The following RPS24 variants were observed in gnomAD, a reference collection of about 807,000 sequenced individuals.
The protein encoded by RPS24 is ribosomal protein S24.
For missense variants in RPS24, 100 were observed against 162.5 expected (o/e 0.62, Z 2.09); for synonymous variants, 72 against 55.6 (o/e 1.30, Z -1.31).
rs1206285579 is a variant in RPS24 at position 78,033,875 on chromosome 10, T to G, written c.-27T>G. On this transcript the variant is annotated 5_prime_UTR_variant, in exon 1 of 6. Coordinates refer to ENST00000372360, the MANE Select transcript of RPS24 (RefSeq NM_033022.4). ...GCGAATCGTGGTTCTCTTTTCCTCC[T>G]TGGCTGTCTGAAGATAGATCGCCAT... 1.2e-6 allele frequency: 2 copies of G among 1,613,930 alleles called. No individual in the cohort carries two copies. The highest frequency in any genetic ancestry group is 1.1e-5 in the South Asian group (1 of 91,094).
chr10:78,048,058 G>A (rs2131991339), intron 4 of RPS24, among the ~76,000 whole-genome samples: 1 of 152,242 alleles, frequency 6.6e-6, no homozygotes, highest in Non-Finnish European at 1.5e-5. Context: ...ATAAAATTCT[G>A]CCCTGGGAGT....
chr10:78,034,221 C>G lies in RPS24; in HGVS notation c.3+317C>G, dbSNP rs1158389353. 4 of 528,442 alleles carry G rather than the reference C, an allele frequency of 7.6e-6. No individual in the cohort carries two copies. In the Admixed American group the frequency reaches 1.3e-4, roughly 17 times the overall value. 32.7% of individuals were successfully genotyped at this position (528,442 alleles called of 1,614,324 possible). ...GATAGATGGACACTGGGAGGCACATCTCGTCTGCAGTTCCTCATTGGGCTA... is the reference window on the plus strand; with the variant it reads ...GATAGATGGACACTGGGAGGCACATGTCGTCTGCAGTTCCTCATTGGGCTA... On this transcript the variant is annotated intron_variant, in intron 1 of 5. Coordinates refer to ENST00000372360, the MANE Select transcript of RPS24 (RefSeq NM_033022.4).
At chr10:78,046,222 C>T (rs7069404) in intron 4 of RPS24, among the ~76,000 whole-genome samples, 8,923 of 152,100 alleles carry the variant, frequency 0.059, 841 homozygotes, top group African/African-American at 0.2. Flanking sequence ...ACTGTCTCTG[C>T]CCTCAAGAAG....
intron 3 of RPS24, chr10:78,036,006 G>C: frequency 2.4e-6 from 1 of 420,430 alleles, no homozygotes; most frequent in East Asian, 5.2e-5. Context: ...TGTTTGGAAA[G>C]GTAGCCTGGC....
In RPS24 at chr10:78,035,547, C is replaced by T. The variant is rs766439992; in HGVS notation, c.106C>T (p.Pro36Ser). The change falls in exon 3 of 6, where the codon CCT becomes TCT. Residue 36 changes from proline (P) to serine (S), a missense_variant. Physicochemically the swap from Pro to Ser is moderately conservative, Grantham distance 74. Coordinates refer to ENST00000372360, the MANE Select transcript of RPS24 (RefSeq NM_033022.4). ...CCTTCACCCCGGGAAGGCGACAGTG[C>T]CTAAGACAGAAATTCGGGAAAAACT... ...DVLHPGKATV[P>S]KTEIREKLAK... is the part of the protein sequence containing the mutation. 6.2e-7 allele frequency: 1 copy of T among 1,614,136 alleles called. No individual in the cohort carries two copies. Among genetic ancestry groups the T allele is most frequent in the South Asian group, 1.1e-5 (1 of 91,074 alleles).
intron 4 of RPS24, among the ~76,000 whole-genome samples, chr10:78,052,938 G>T (rs923324781): frequency 6.6e-6 from 1 of 152,086 alleles, no homozygotes; most frequent in African/African-American, 2.4e-5. Flanking sequence ...GATCACCTGA[G>T]GTCAGGAGTT....
rs7067839 is a variant in RPS24 at position 78,051,223 on chromosome 10, A to G, written c.391-3308A>G. 8.8e-3 allele frequency among the ~76,000 whole-genome samples: 1,340 copies of G among 152,280 alleles called. 12 individuals carry two copies. The highest frequency in any genetic ancestry group is 0.031 in the African/African-American group (1,277 of 41,536). On this transcript the variant is annotated intron_variant, in intron 4 of 4. Coordinates refer to the RPS24 transcript ENST00000440692. ...AACAACAAAAAGAAACCCTGTAGAC[A>G]TTAGCAGTCTCTCCCTATTTCCCTC...
At chr10:78,035,787 G>C in intron 3 of RPS24, 67 bp downstream of exon 3, 1 of 1,358,778 alleles carries the variant, frequency 7.4e-7, no homozygotes, top group Non-Finnish European at 1.0e-6. Flanking sequence ...TGTGTTGTGA[G>C]TGTGGTAAAA....
At chr10:78,040,582 T>A (rs1488169342) in intron 5 of RPS24, 33 bp from the exon 6 acceptor site, 3 of 1,528,642 alleles carry the variant, frequency 2.0e-6, no homozygotes, top group Non-Finnish European at 1.8e-6. Context: ...TTAAAGGCAG[T>A]TGTTGACTAA....
At chr10:78,046,989 T>C (rs923381748) in intron 4 of RPS24, among the ~76,000 whole-genome samples, 4 of 151,904 alleles carry the variant, frequency 2.6e-5, no homozygotes, top group Non-Finnish European at 4.4e-5. Flanking sequence ...ACCTGTTTTT[T>C]TTTTTGAGTT....
chr10:78,037,039 C>T (rs914393686), intron 3 of RPS24, among the ~76,000 whole-genome samples, 155 bp from the exon 4 acceptor site: 1 of 152,178 alleles, frequency 6.6e-6, no homozygotes, highest in African/African-American at 2.4e-5. Context: ...ATGATCCTTT[C>T]TGTTCCAGCA....
At chr10:78,053,168 A>C (rs1182081203) in intron 4 of RPS24, among the ~76,000 whole-genome samples, 3 of 141,676 alleles carry the variant, frequency 2.1e-5, no homozygotes, top group African/African-American at 7.7e-5. Context: ...AAACAAACAA[A>C]AACAACAACA....
chr10:78,046,561 G>C (rs1165081649), intron 4 of RPS24, among the ~76,000 whole-genome samples: 1 of 151,770 alleles, frequency 6.6e-6, no homozygotes, highest in Non-Finnish European at 1.5e-5. Flanking sequence ...CTCCATGTTG[G>C]CCAGGCTGGT....
At chr10:78,055,037 A>G in exon 5 of RPS24, 1 of 1,457,022 alleles carries the variant, frequency 6.9e-7, no homozygotes, top group Non-Finnish European at 9.1e-7. Flanking sequence ...GCCTTGCTGC[A>G]TTTCTGAGGA....
chr10:78,055,291 C>A, exon 5 of RPS24: 1 of 358,990 alleles, frequency 2.8e-6, no homozygotes, highest in Admixed American at 4.5e-5. Flanking sequence ...AATTTTTCCT[C>A]GTCAGCAGTT....
chr10:78,039,346 CCCTTAG>C (rs1847942619), intron 4 of RPS24: 1 of 152,224 alleles, frequency 6.6e-6, no homozygotes, highest in Non-Finnish European at 1.5e-5. Flanking sequence ...TGAGTTAGTG[CCCTTAG>C]CCTTTGAGTC....
At chr10:78,039,911 A>G in intron 4 of RPS24, 1 of 486,020 alleles carries the variant, frequency 2.1e-6, no homozygotes, top group South Asian at 2.0e-5. Flanking sequence ...CAAGTGGGCA[A>G]GGCCATCCTG....
chr10:78,039,829 TC>T, intron 4 of RPS24: 1 of 312,310 alleles, frequency 3.2e-6, no homozygotes, highest in South Asian at 3.4e-5. Flanking sequence ...TCGTAACTGT[TC>T]CTGGTGTGTG....
downstream of RPS24, among the ~76,000 whole-genome samples, chr10:78,041,535 G>T (rs1847986174): frequency 1.3e-5 from 2 of 152,200 alleles, no homozygotes; most frequent in Admixed American, 1.3e-4. Flanking sequence ...TGGAAGAATG[G>T]GGTCTTTGAT....
Sources: gnomAD v4.1 joint callset for allele counts (sites outside exome capture counted in the v4.1 genomes callset) on GRCh38, gnomAD v4.1.1 for gene constraint, MANE v1.5 for transcripts, NCBI Gene and HGNC (gene_info 2026-07-23, HGNC 2026-07-21) for gene names.